Variants in MTFR2 observed in about 807,000 individuals in gnomAD.
The protein encoded by MTFR2 is mitochondrial fission regulator 2, also known as DUF729 domain-containing protein 1.
MTFR2 carries 44 observed loss-of-function variants against 41.2 expected under a neutral mutation model. The ratio of observed to expected loss-of-function variants is 1.07; its 90% CI spans 0.84 to 1.37. The LOEUF (loss-of-function observed/expected upper bound fraction) is 1.37. MTFR2 is among the 40% of genes most tolerant of loss of function. The pLI, the probability that MTFR2 is intolerant of heterozygous loss-of-function variation, is 0.00. For missense variants in MTFR2, 452 were observed against 459.5 expected (o/e 0.98, Z 0.15); for synonymous variants, 141 against 154.6 (o/e 0.91, Z 0.65).
rs1780002822 is a variant in MTFR2 at position 136,239,736 on chromosome 6, T to G, written c.599A>C (p.Gln200Pro). 1 of 1,613,958 alleles carries G rather than the reference T, an allele frequency of 6.2e-7. No homozygotes were observed. Among genetic ancestry groups the G allele is most frequent in the African/African-American group, 1.3e-5 (1 of 74,904 alleles). Residue 200 changes from glutamine (Q) to proline (P), a missense_variant, in exon 6 of 8, where the codon CAG becomes CCG. Physicochemically the swap from Gln to Pro is moderately conservative, Grantham distance 76. Transcript: ENST00000420702. ...RAAHLSVDPDQLPGSVLSPPP... is the reference protein window; with the variant it reads ...RAAHLSVDPDPLPGSVLSPPP... The stretch of plus-strand genomic sequence containing the variant: ...AGGAGAAAGCACTGAACCTGGAAGC[T>G]GATCTGGGTCCACACTCAGATGGGC...
At chr6:136,234,560 G>A (rs1317609966) in intron 6 of MTFR2, among the ~76,000 whole-genome samples, 1 of 152,178 alleles carries the variant, frequency 6.6e-6, no homozygotes, top group Admixed American at 6.5e-5. Context: ...GGGCATAGGA[G>A]AGGAGCTCAG....
chr6:136,239,426 G>T, intron 6 of MTFR2, 40 bp downstream of exon 6: 1 of 1,470,530 alleles, frequency 6.8e-7, no homozygotes, highest in South Asian at 1.4e-5. Flanking sequence ...ACATAAAATT[G>T]ACAAAATTTC....
At chr6:136,244,716 A>T in intron 3 of MTFR2, 49 bp downstream of exon 3, 1 of 1,269,202 alleles carries the variant, frequency 7.9e-7, no homozygotes, top group Non-Finnish European at 1.1e-6. Flanking sequence ...AAGAGTACCT[A>T]GGATTATTTT....
chr6:136,231,238 A>C lies in MTFR2; in HGVS notation c.*37T>G. 1.6e-6 allele frequency: 2 copies of C among 1,268,180 alleles called. No homozygotes were observed. The highest frequency in any genetic ancestry group is 2.3e-6 in the Non-Finnish European group (2 of 879,294). The allele number at this position is 1,268,180 out of a possible 1,614,324, so 78.6% of individuals were successfully genotyped here. A position where few individuals can be genotyped will look rare whatever the true frequency, so the allele number is the denominator to read the frequency against. ...TAAGAATAATTTATCATCCAGGAAGAAGTTTTGGAAGTTTAAAGCTCAACC... is the reference window on the plus strand; with the variant it reads ...TAAGAATAATTTATCATCCAGGAAGCAGTTTTGGAAGTTTAAAGCTCAACC... On this transcript the variant is annotated 3_prime_UTR_variant, in exon 8 of 8. Coordinates refer to ENST00000420702, the MANE Select transcript of MTFR2 (RefSeq NM_001099286.3).
At chr6:136,243,413 A>C (rs1780132688) in intron 3 of MTFR2, among the ~76,000 whole-genome samples, 1 of 152,170 alleles carries the variant, frequency 6.6e-6, no homozygotes, top group South Asian at 2.1e-4. Context: ...CTTCTACTTA[A>C]AAAGAAAAGT....
intron 7 of MTFR2, among the ~76,000 whole-genome samples, chr6:136,232,876 G>T: frequency 6.6e-6 from 1 of 152,274 alleles, no homozygotes; most frequent in East Asian, 1.9e-4. Context: ...AATCCCATTT[G>T]CTTTTTTACA....
chr6:136,233,487 A>G lies in MTFR2; in HGVS notation c.882T>C (p.Gly294=). ...GTCTTTTCCTCTTATGAATGGGTCT[A>G]CCGCCAGGTGACCTATTTTTTAAAA... ...KLRAIERSPG[G]RPIHKRKRQN... is the part of the protein sequence containing the mutation. The change falls in exon 7 of 8, where the codon GGT becomes GGC. Residue 294 remains glycine (G), a synonymous_variant. Transcript: ENST00000420702. The G allele has an allele frequency of 6.7e-7, 1 of 1,500,384 alleles. No individual in the cohort carries two copies. The highest frequency in any genetic ancestry group is 8.9e-7 in the Non-Finnish European group (1 of 1,117,972). 92.9% of individuals were successfully genotyped at this position (1,500,384 alleles called of 1,614,324 possible).
Position 136,240,841 on chromosome 6 carries a change from C to T in MTFR2, c.514+603G>A, listed in dbSNP as rs557951481. 4.6e-5 allele frequency among the ~76,000 whole-genome samples: 7 copies of T among 152,322 alleles called. No individual in the cohort carries two copies. In the East Asian group the frequency reaches 7.7e-4, roughly 17 times the overall value. On this transcript the variant is annotated intron_variant, in intron 5 of 7. Transcript: ENST00000420702. The stretch of plus-strand genomic sequence containing the variant: ...GCGCGGTGGCTCACGCCTGTAATCC[C>T]AGCACTTTGGGAGGCCAAGGCGGGC...
chr6:136,248,511 C>T (rs890429029), intron 2 of MTFR2, among the ~76,000 whole-genome samples: 8 of 152,226 alleles, frequency 5.3e-5, no homozygotes, highest in African/African-American at 1.7e-4. Flanking sequence ...TGTGACTTTG[C>T]TACTCATTTG....
At chr6:136,237,439 ACT>A (rs1779935959) in intron 6 of MTFR2, among the ~76,000 whole-genome samples, 1 of 152,238 alleles carries the variant, frequency 6.6e-6, no homozygotes, top group African/African-American at 2.4e-5. Context: ...CACTTTTAAT[ACT>A]GTCAGTGGGA....
intron 6 of MTFR2, among the ~76,000 whole-genome samples, chr6:136,237,424 A>T (rs576675190): frequency 3.3e-5 from 5 of 152,322 alleles, no homozygotes; most frequent in Admixed American, 2.0e-4. Flanking sequence ...CTTAAAACAA[A>T]CCTACACTTT....
intron 6 of MTFR2, among the ~76,000 whole-genome samples, chr6:136,234,157 C>T (rs1394722956): frequency 1.3e-5 from 2 of 151,608 alleles, no homozygotes; most frequent in African/African-American, 2.4e-5. Context: ...CATAGCGAGA[C>T]CCCATCTCTA....
intron 3 of MTFR2, 118 bp downstream of exon 3, chr6:136,244,647 C>A: frequency 1.5e-6 from 1 of 687,448 alleles, no homozygotes; most frequent in Non-Finnish European, 2.5e-6. Context: ...CAAGGGTAAA[C>A]TACAGGTTTT....
At chr6:136,234,553 C>T (rs1779855367) in intron 6 of MTFR2, among the ~76,000 whole-genome samples, 1 of 152,012 alleles carries the variant, frequency 6.6e-6, no homozygotes, top group East Asian at 1.9e-4. Context: ...AAACATGGGG[C>T]ATAGGAGAGG....
intron 2 of MTFR2, 96 bp from the exon 3 acceptor site, chr6:136,244,965 C>A: frequency 2.3e-6 from 2 of 873,262 alleles, no homozygotes; most frequent in Non-Finnish European, 3.4e-6. Flanking sequence ...AAAAAAGACG[C>A]AGTGGCATTT....
rs530563950 is a variant in MTFR2 at position 136,240,897 on chromosome 6, C to T, written c.514+547G>A. On this transcript the variant is annotated intron_variant, in intron 5 of 7. Coordinates refer to ENST00000420702, the MANE Select transcript of MTFR2 (RefSeq NM_001099286.3). ...ACGAGGTCAGGAGATCGAGACCATC[C>T]TGGCTAACACGGTGAAACCCCGTCT... Among the ~76,000 whole-genome samples the T allele has an allele frequency of 3.3e-5, 5 of 152,270 alleles. No homozygotes were observed. In the South Asian group the frequency reaches 8.3e-4, roughly 25 times the overall value.
chr6:136,240,882 G>C (rs7752991), intron 5 of MTFR2, among the ~76,000 whole-genome samples: 113,208 of 151,116 alleles, frequency 0.75, 42,783 homozygotes, highest in African/African-American at 0.87. Flanking sequence ...ACGAGGTCAG[G>C]AGATCGAGAC....
chr6:136,244,653 G>A, intron 3 of MTFR2, 112 bp downstream of exon 3: 1 of 721,886 alleles, frequency 1.4e-6, no homozygotes, highest in Middle Eastern at 3.4e-4. Context: ...TAAACTACAG[G>A]TTTTTGGCTT....
chr6:136,248,821 TG>T, intron 2 of MTFR2: 1 of 500,446 alleles, frequency 2.0e-6, no homozygotes. Flanking sequence ...TTGTATCTTC[TG>T]TTGGCATTTG....
Sources: allele counts gnomAD v4.1 joint callset (sites outside exome capture counted in the v4.1 genomes callset), GRCh38; gene constraint gnomAD v4.1.1; transcripts MANE v1.5; gene names NCBI Gene and HGNC (gene_info 2026-07-23, HGNC 2026-07-21).